The following ARSB variants were observed in gnomAD, a reference collection of about 807,000 sequenced individuals.
The protein encoded by ARSB is N-acetylgalactosamine-4-sulfatase.
In ARSB, 41 loss-of-function variants were observed where a neutral mutation model predicts 50.9. That is an observed-to-expected ratio of 0.81 (90% CI 0.63 to 1.04). The LOEUF is 1.04. Among genes scored for constraint, ARSB ranks in the 50% least tolerant of loss-of-function variants. The probability of loss-of-function intolerance (pLI) is 0.00; values close to 1 mark genes in which losing one functional copy is unlikely to be tolerated. For missense variants in ARSB, 672 were observed against 693.3 expected (o/e 0.97, Z 0.35); for synonymous variants, 269 against 284.8 (o/e 0.94, Z 0.56).
intron 1 of ARSB, among the ~76,000 whole-genome samples, chr5:78,983,178 C>A (rs1463511110): frequency 6.6e-6 from 1 of 152,124 alleles, no homozygotes; most frequent in Non-Finnish European, 1.5e-5. Context: ...CTCAGTCTCC[C>A]GAGTAGCTAG....
At chr5:78,975,431 G>T (rs79798033) in intron 1 of ARSB, among the ~76,000 whole-genome samples, 1 of 152,204 alleles carries the variant, frequency 6.6e-6, no homozygotes, top group Non-Finnish European at 1.5e-5. Flanking sequence ...GTGAAAAGCC[G>T]TGAAAATGTC....
intron 4 of ARSB, among the ~76,000 whole-genome samples, chr5:78,953,075 T>C (rs892827511): frequency 6.6e-6 from 1 of 152,236 alleles, no homozygotes; most frequent in Non-Finnish European, 1.5e-5. Context: ...GTCTACCTTT[T>C]TTTTCTGAAG....
At chr5:78,955,582 G>A in intron 3 of ARSB, 80 bp from the exon 4 acceptor site, 1 of 1,183,650 alleles carries the variant, frequency 8.4e-7, no homozygotes, top group Non-Finnish European at 1.3e-6. Context: ...TCAGATTTAT[G>A]CATTAATAAA....
chr5:78,914,220 C>T (rs998756463), intron 4 of ARSB, among the ~76,000 whole-genome samples: 2 of 152,116 alleles, frequency 1.3e-5, no homozygotes, highest in Admixed American at 6.5e-5. Flanking sequence ...CTGCCTTGGC[C>T]TCCCAAAGTG....
chr5:78,873,498 A>ATTTTTTTTTTTTTTTTTTTTTT (rs71001133), intron 5 of ARSB, among the ~76,000 whole-genome samples: 1 of 93,210 alleles, frequency 1.1e-5, no homozygotes, highest in Non-Finnish European at 2.1e-5. Context: ...TAAAACTGTA[A>ATTTTTTTTTTTTTTTTTTTTTT]TTTTTTTTTT....
At chr5:78,817,707 G>T (rs1258923836) in intron 6 of ARSB, among the ~76,000 whole-genome samples, 1 of 152,104 alleles carries the variant, frequency 6.6e-6, no homozygotes, top group East Asian at 1.9e-4. Flanking sequence ...TACTCAGGAG[G>T]CTGAGGCAGG....
At chr5:78,875,104 C>A (rs1015137458) in intron 5 of ARSB, among the ~76,000 whole-genome samples, 1 of 152,184 alleles carries the variant, frequency 6.6e-6, no homozygotes, top group South Asian at 2.1e-4. Flanking sequence ...CAAATTGAGA[C>A]CTTGTCTCTG....
chr5:78,972,428 T>C (rs10942881), intron 1 of ARSB, among the ~76,000 whole-genome samples: 40,761 of 151,526 alleles, frequency 0.27, 5,668 homozygotes, highest in Middle Eastern at 0.35. Context: ...TGCCACCTCT[T>C]TCCAGCTGGG....
In ARSB at chr5:78,867,126, G is replaced by A. The variant is rs563165664; in HGVS notation, c.1142+18458C>T. ...TTTTCAGACTGGCTTAAAAAACGGCGTACCACGAGACTATATCCCACACCT... is the reference window on the plus strand; with the variant it reads ...TTTTCAGACTGGCTTAAAAAACGGCATACCACGAGACTATATCCCACACCT... On this transcript the variant is annotated intron_variant, in intron 5 of 7. Coordinates refer to ENST00000264914, the MANE Select transcript of ARSB (RefSeq NM_000046.5). Among the ~76,000 whole-genome samples, 4 of 152,184 alleles carry A rather than the reference G, an allele frequency of 2.6e-5. No individual in the cohort carries two copies. In the South Asian group the frequency reaches 6.2e-4, roughly 24 times the overall value.
At chr5:78,810,447 T>G (rs1302305760) in intron 6 of ARSB, among the ~76,000 whole-genome samples, 2 of 152,188 alleles carry the variant, frequency 1.3e-5, no homozygotes, top group Non-Finnish European at 1.5e-5. Context: ...TGGAAAGAGA[T>G]TGTCTAGAGA....
chr5:78,985,560 TA>T (rs11424557), upstream of ARSB: 721 of 192,788 alleles, frequency 3.7e-3, no homozygotes, highest in Middle Eastern at 7.8e-3. Context: ...TGTGGTTTCC[TA>T]AAAAAAAAAG....
At chr5:78,791,431 C>T (rs1477763133) in intron 6 of ARSB, among the ~76,000 whole-genome samples, 1 of 152,218 alleles carries the variant, frequency 6.6e-6, no homozygotes, top group Non-Finnish European at 1.5e-5. Flanking sequence ...CTTTATGGCT[C>T]ACTCTAACAA....
intron 1 of ARSB, among the ~76,000 whole-genome samples, chr5:78,983,526 T>C (rs1322403351): frequency 6.6e-6 from 1 of 152,170 alleles, no homozygotes; most frequent in African/African-American, 2.4e-5. Context: ...CTTCTTCTTC[T>C]TTACTGGCAC....
intron 4 of ARSB, among the ~76,000 whole-genome samples, chr5:78,937,208 G>A (rs930213193): frequency 6.6e-6 from 1 of 150,378 alleles, no homozygotes; most frequent in Non-Finnish European, 1.5e-5. Flanking sequence ...AAATTGGAAA[G>A]TTTCTTGCAA....
chr5:78,958,334 G>C (rs1751827561), intron 3 of ARSB, among the ~76,000 whole-genome samples: 1 of 152,140 alleles, frequency 6.6e-6, no homozygotes, highest in Non-Finnish European at 1.5e-5. Flanking sequence ...CCTGGCGAAG[G>C]AGAGAAAGGA....
At chr5:78,935,121 C>G (rs866230421) in intron 4 of ARSB, among the ~76,000 whole-genome samples, 4 of 151,976 alleles carry the variant, frequency 2.6e-5, no homozygotes, top group South Asian at 2.1e-4. Flanking sequence ...CAAAAAACTC[C>G]AAAATCATAT....
rs1752333074 is a variant in ARSB at position 78,969,064 on chromosome 5, G to A, written c.441C>T (p.His147=). ...GYTTHMVGKW[H]LGMYRKECLP... is the part of the protein sequence containing the mutation. ...GGCATTCTTTCCGGTACATTCCCAG[G>A]TGCCATTTTCCGACCATATGGGTAG... The change falls in exon 2 of 8, where the codon CAC becomes CAT. Residue 147 remains histidine, a synonymous_variant. Transcript: ENST00000264914. 6.2e-7 allele frequency: 1 copy of A among 1,614,126 alleles called. No homozygotes were observed. The highest frequency in any genetic ancestry group is 1.3e-5 in the African/African-American group (1 of 75,018).
intron 6 of ARSB, among the ~76,000 whole-genome samples, chr5:78,804,684 T>C (rs1743504238): frequency 6.6e-6 from 1 of 152,192 alleles, no homozygotes; most frequent in Admixed American, 6.5e-5. Flanking sequence ...AATGGGTGGT[T>C]CCTATTTTAA....
chr5:78,900,900 A>T (rs2112271040), intron 4 of ARSB, among the ~76,000 whole-genome samples: 1 of 152,142 alleles, frequency 6.6e-6, no homozygotes, highest in African/African-American at 2.4e-5. Flanking sequence ...TTAGCTGGGC[A>T]TGGTAGCGGG....
Sources: allele counts gnomAD v4.1 joint callset (sites outside exome capture counted in the v4.1 genomes callset), GRCh38; gene constraint gnomAD v4.1.1; transcripts MANE v1.5; gene names NCBI Gene and HGNC (gene_info 2026-07-23, HGNC 2026-07-21).